The following NUMB variants were observed in gnomAD, a reference collection of about 807,000 sequenced individuals.
NUMB encodes NUMB endocytic adaptor protein, also known as protein numb homolog.
A neutral mutation model predicts 59.7 loss-of-function variants in NUMB; 29 were observed. The observed-to-expected ratio is 0.49, with a 90% CI of 0.36 to 0.66. NUMB has a LOEUF of 0.66. Ranked by LOEUF, NUMB falls within the 30% of genes least tolerant of loss-of-function variation. The pLI, the probability that NUMB is intolerant of heterozygous loss-of-function variation, is 0.00. For missense variants in NUMB, 723 were observed against 822.0 expected, an observed-to-expected ratio of 0.88 and a Z score of 1.47; for synonymous variants, 288 against 288.2, an observed-to-expected ratio of 1.00 and a Z score of 0.01.
At chr14:73,454,378 G>T (rs1222922575) in intron 1 of NUMB, among the ~76,000 whole-genome samples, 2 of 151,970 alleles carry the variant, frequency 1.3e-5, no homozygotes, top group Non-Finnish European at 2.9e-5. Context: ...TTTTTTAAAG[G>T]TAATTAGTTT....
intron 4 of NUMB, among the ~76,000 whole-genome samples, chr14:73,340,918 C>T (rs1892598466): frequency 6.6e-6 from 1 of 152,104 alleles, no homozygotes; most frequent in Non-Finnish European, 1.5e-5. Context: ...ATGCTGTTCT[C>T]GTGATAGTGA....
intron 1 of NUMB, among the ~76,000 whole-genome samples, chr14:73,423,831 T>C (rs1325030453): frequency 6.6e-6 from 1 of 151,198 alleles, no homozygotes; most frequent in Non-Finnish European, 1.5e-5. Flanking sequence ...CCAGGCATGG[T>C]GGTGCATGCC....
intron 2 of NUMB, among the ~76,000 whole-genome samples, chr14:73,403,847 G>C (rs1896530978): frequency 6.6e-6 from 1 of 151,452 alleles, no homozygotes; most frequent in Non-Finnish European, 1.5e-5. Context: ...GTAATTCCAG[G>C]ACTTTGGGAG....
At chr14:73,359,311 A>G (rs1013059509) in intron 3 of NUMB, among the ~76,000 whole-genome samples, 3 of 152,202 alleles carry the variant, frequency 2.0e-5, no homozygotes, top group African/African-American at 7.2e-5. Flanking sequence ...GTGCCACTGC[A>G]CTCCAGCCTG....
In NUMB at chr14:73,368,594, C is replaced by CA. The variant is rs890380890; in HGVS notation, c.-100-1614dup. Among the ~76,000 whole-genome samples, 98 of 144,272 alleles carry CA rather than the reference C, an allele frequency of 6.8e-4. 1 individual carries two copies. The highest frequency in any genetic ancestry group is 3.5e-3 in the Middle Eastern group (1 of 282). The allele number at this position is 144,272 out of a possible 152,430, so 94.6% of individuals were successfully genotyped here. ...GCAAGACTCCGTCTCCAAAAAAAAA[C>CA]AAAAAAAAAATTGAAAAGAAACACA... On this transcript the variant is annotated intron_variant, in intron 2 of 12. Transcript: ENST00000555238.
Position 73,282,502 on chromosome 14 carries a change from G to T in NUMB, c.953C>A (p.Pro318Gln), listed in dbSNP as rs200927818. 3.9e-5 allele frequency: 63 copies of T among 1,611,070 alleles called. No homozygotes were observed. In the Admixed American group the frequency reaches 4.7e-4, roughly 12 times the overall value. ...KTDFPIKNAV[P>Q]EVEGEAESIS... ...GCTCTCTGCCTCCCCTTCTACTTCT[G>T]GCACTGCAAGGCAAACAGAAAATGG... The change falls in exon 11 of 13, where the codon CCA becomes CAA. Residue 318 changes from proline to glutamine, a missense_variant. By Grantham distance (76) the Pro-to-Gln change is moderately conservative (BLOSUM62 -1). Around this residue, in one of 2 missense-constraint regions of NUMB, gnomAD observed 317 missense variants for 436.6 expected, o/e 0.73. Coordinates refer to ENST00000555238, the MANE Select transcript of NUMB (RefSeq NM_001005743.2).
At chr14:73,421,487 A>G (rs1393192165) in intron 1 of NUMB, among the ~76,000 whole-genome samples, 2 of 152,132 alleles carry the variant, frequency 1.3e-5, no homozygotes, top group African/African-American at 4.8e-5. Context: ...CCAGAAAAGT[A>G]ATTTTTAATA....
Position 73,276,906 on chromosome 14 carries a change from C to T in NUMB, c.1628G>A (p.Gly543Asp), listed in dbSNP as rs536932356. 4 of 1,614,014 alleles carry T rather than the reference C, an allele frequency of 2.5e-6. No homozygotes were observed. Among genetic ancestry groups the T allele is most frequent in the Non-Finnish European group, 3.4e-6 (4 of 1,179,948 alleles). The change falls in exon 13 of 13, where the codon GGC (glycine) becomes GAC (aspartate). Residue 543 changes from glycine (G) to aspartate (D), a missense_variant. Around this residue, in one of 2 missense-constraint regions of NUMB, gnomAD observed 406 missense variants for 385.4 expected, o/e 1.05. Transcript: ENST00000555238. ...ATGGGGATGGGCAGCCTGAGGGTGGCCTGCAGTGCCAAATACGTTGGCCAC... is the reference window on the plus strand; with the variant it reads ...ATGGGGATGGGCAGCCTGAGGGTGGTCTGCAGTGCCAAATACGTTGGCCAC... The part of the protein sequence containing the change: ...QMVANVFGTA[G>D]HPQAAHPHQS...
intron 1 of NUMB, among the ~76,000 whole-genome samples, chr14:73,450,557 G>A (rs1157162374): frequency 1.3e-5 from 2 of 152,232 alleles, no homozygotes; most frequent in Non-Finnish European, 1.5e-5. Context: ...CACTTTGGGA[G>A]GCCAAGGCAG....
chr14:73,289,553 C>G lies in NUMB; in HGVS notation c.451-2239G>C, dbSNP rs564396436. ...AGCTGCTCCTACACACGGCTCTGAA[C>G]AAGTCGTCTCACTGGATTTTGCATG... On this transcript the variant is annotated intron_variant, in intron 8 of 12. Coordinates refer to ENST00000555238, the MANE Select transcript of NUMB (RefSeq NM_001005743.2). Among the ~76,000 whole-genome samples the G allele has an allele frequency of 2.0e-5, 3 of 152,318 alleles. No individual in the cohort carries two copies. In the South Asian group the frequency reaches 6.2e-4, roughly 32 times the overall value.
At chr14:73,430,754 A>G (rs995555396) in intron 1 of NUMB, among the ~76,000 whole-genome samples, 3 of 151,934 alleles carry the variant, frequency 2.0e-5, no homozygotes, top group Non-Finnish European at 4.4e-5. Context: ...ATTCTGGCTA[A>G]CACGGTGAAA....
chr14:73,437,356 C>T (rs527358861), intron 1 of NUMB, among the ~76,000 whole-genome samples: 1 of 152,244 alleles, frequency 6.6e-6, no homozygotes, highest in East Asian at 1.9e-4. Context: ...CTTAATCGTG[C>T]TCAGTCCATA....
chr14:73,434,278 CAAAT>C (rs1249711864), intron 1 of NUMB, among the ~76,000 whole-genome samples: 3 of 152,110 alleles, frequency 2.0e-5, no homozygotes, highest in Non-Finnish European at 4.4e-5. Flanking sequence ...TGATATTGGG[CAAAT>C]CACTTACCTT....
At chr14:73,303,969 C>T (rs7144248) in intron 6 of NUMB, among the ~76,000 whole-genome samples, 10,849 of 152,180 alleles carry the variant, frequency 0.071, 876 homozygotes, top group South Asian at 0.19. Flanking sequence ...TATTATCTTC[C>T]TTAAAACCTT....
Position 73,279,286 on chromosome 14 carries a change from C to T in NUMB, c.1235G>A (p.Cys412Tyr), listed in dbSNP as rs1273139379. 6.2e-7 allele frequency: 1 copy of T among 1,614,162 alleles called. No individual in the cohort carries two copies. The highest frequency in any genetic ancestry group is 2.2e-5 in the East Asian group (1 of 44,888). Residue 412 changes from cysteine (C) to tyrosine (Y), a missense_variant, in exon 12 of 13, where the codon TGT (cysteine) becomes TAT (tyrosine). Cys to Tyr is a radical substitution (Grantham distance 194). Coordinates refer to ENST00000555238, the MANE Select transcript of NUMB (RefSeq NM_001005743.2). ...DAANKEIAAT[C>Y]SGTEWGQSSG... ...ACCATCTGTGGCCACCTTACCCGAACATGTGGCTGCAATTTCCTTGTTAGC... is the reference window on the plus strand; with the variant it reads ...ACCATCTGTGGCCACCTTACCCGAATATGTGGCTGCAATTTCCTTGTTAGC...
intron 4 of NUMB, among the ~76,000 whole-genome samples, chr14:73,334,791 A>G (rs564252544): frequency 6.6e-6 from 1 of 152,138 alleles, no homozygotes; most frequent in East Asian, 1.9e-4. Context: ...TACTAAAAAC[A>G]CAAAAAAATT....
chr14:73,298,536 G>C (rs570916872), intron 6 of NUMB: 1 of 152,312 alleles, frequency 6.6e-6, no homozygotes, highest in East Asian at 1.9e-4. Flanking sequence ...GAATGTAATA[G>C]TAATTTAACA....
At chr14:73,365,668 G>C (rs1340630146) in intron 3 of NUMB, among the ~76,000 whole-genome samples, 1 of 152,066 alleles carries the variant, frequency 6.6e-6, no homozygotes, top group African/African-American at 2.4e-5. Flanking sequence ...ATACAAGGCA[G>C]GTCCCATTCT....
intron 2 of NUMB, among the ~76,000 whole-genome samples, chr14:73,402,397 A>C: frequency 6.6e-6 from 1 of 152,178 alleles, no homozygotes; most frequent in East Asian, 1.9e-4. Context: ...AGAGCCCATA[A>C]AGTATTGCAC....
Sources: gnomAD v4.1 joint callset for allele counts (sites outside exome capture counted in the v4.1 genomes callset) on GRCh38, gnomAD v4.1.1 for gene constraint, gnomAD v4.1.1 regional missense constraint, MANE v1.5 for transcripts, NCBI Gene and HGNC (gene_info 2026-07-23, HGNC 2026-07-21) for gene names.